Variants in LINGO2 observed in about 807,000 individuals in gnomAD.
The protein encoded by LINGO2 is leucine-rich repeat and immunoglobulin-like domain-containing nogo receptor-interacting protein 2.
Under a neutral mutation model 30.6 loss-of-function variants are expected in LINGO2, and 14 were observed. The ratio of observed to expected loss-of-function variants is 0.46; its 90% CI spans 0.30 to 0.72. The LOEUF (loss-of-function observed/expected upper bound fraction) is 0.72. Ranked by LOEUF, LINGO2 falls within the 30% of genes least tolerant of loss-of-function variation. LINGO2 has a pLI of 0.07. For synonymous variants in LINGO2, 317 were observed against 288.5 expected (o/e 1.10, Z -1.00); for missense variants, 729 against 751.7 (o/e 0.97, Z 0.35).
intron 1 of LINGO2, among the ~76,000 whole-genome samples, chr9:28,626,626 T>C (rs996747648): frequency 2.6e-5 from 4 of 152,092 alleles, no homozygotes; most frequent in African/African-American, 9.6e-5. Flanking sequence ...TTTGGCACCT[T>C]TGTCAATAAT....
chr9:29,039,335 A>C, the LINGO2 span, among the ~76,000 whole-genome samples: 2 of 152,148 alleles, frequency 1.3e-5, no homozygotes, highest in Non-Finnish European at 2.9e-5. Flanking sequence ...AAGTCTACTG[A>C]GGAGAATAAT....
At chr9:29,072,533 T>C in the LINGO2 span, among the ~76,000 whole-genome samples, 1 of 150,872 alleles carries the variant, frequency 6.6e-6, no homozygotes, top group South Asian at 2.1e-4. Flanking sequence ...TATTTTATAT[T>C]AAGAAAATTA....
chr9:28,591,587 C>A (rs1233146087), intron 1 of LINGO2, among the ~76,000 whole-genome samples: 1 of 151,938 alleles, frequency 6.6e-6, no homozygotes, highest in Non-Finnish European at 1.5e-5. Flanking sequence ...ACCTTTTATG[C>A]AACTCTTCTT....
chr9:28,871,554 T>C, the LINGO2 span, among the ~76,000 whole-genome samples: 3 of 151,850 alleles, frequency 2.0e-5, no homozygotes, highest in Non-Finnish European at 2.9e-5. Flanking sequence ...ATGAACTATA[T>C]ATTTTATGTA....
intron 2 of LINGO2, among the ~76,000 whole-genome samples, chr9:28,377,647 A>T (rs1233907370): frequency 6.6e-6 from 1 of 152,088 alleles, no homozygotes; most frequent in South Asian, 2.1e-4. Flanking sequence ...GTATCTCAGC[A>T]CTCATTCCAA....
the LINGO2 span, among the ~76,000 whole-genome samples, chr9:28,869,321 CAGA>C: frequency 1.3e-5 from 2 of 151,830 alleles, no homozygotes; most frequent in Non-Finnish European, 2.9e-5. Context: ...TAGGATCCTA[CAGA>C]AGAAGTGGCT....
chr9:28,401,820 T>C (rs1412641326), intron 2 of LINGO2, among the ~76,000 whole-genome samples: 2 of 152,312 alleles, frequency 1.3e-5, no homozygotes, highest in South Asian at 4.1e-4. Flanking sequence ...TTTGCAATAA[T>C]TGCCATTCTG....
chr9:28,416,501 GAT>G (rs113180119), intron 2 of LINGO2, among the ~76,000 whole-genome samples: 24,364 of 152,034 alleles, frequency 0.16, 2,604 homozygotes, highest in African/African-American at 0.3. Context: ...TGCTTCAAGA[GAT>G]ATTACCTTTT....
chr9:28,539,846 T>C (rs1379153730), intron 1 of LINGO2, among the ~76,000 whole-genome samples: 2 of 152,152 alleles, frequency 1.3e-5, no homozygotes, highest in Non-Finnish European at 2.9e-5. Context: ...GCAATGTGAA[T>C]TGCTAATTCA....
intron 4 of LINGO2, among the ~76,000 whole-genome samples, chr9:28,028,855 G>A (rs541195640): frequency 6.6e-6 from 1 of 152,148 alleles, no homozygotes; most frequent in Non-Finnish European, 1.5e-5. Context: ...ATATATATAA[G>A]TATACAGACA....
intron 3 of LINGO2, among the ~76,000 whole-genome samples, chr9:28,365,961 C>T (rs1390376541): frequency 6.6e-6 from 1 of 152,040 alleles, no homozygotes; most frequent in Non-Finnish European, 1.5e-5. Flanking sequence ...AGGAGTCAGT[C>T]CTTTCCCAGG....
At chr9:28,627,215 G>GTC in intron 1 of LINGO2, among the ~76,000 whole-genome samples, 1 of 152,082 alleles carries the variant, frequency 6.6e-6, no homozygotes, top group East Asian at 1.9e-4. Flanking sequence ...GATGTTCCAG[G>GTC]TATTTATGAA....
intron 4 of LINGO2, among the ~76,000 whole-genome samples, chr9:28,269,102 C>T (rs571864636): frequency 2.0e-4 from 31 of 152,066 alleles, no homozygotes; most frequent in Non-Finnish European, 3.8e-4. Context: ...AGAACTATCA[C>T]CTTCTCCCTT....
chr9:27,955,935 C>CTTTTTTTTTT (rs532878364), intron 5 of LINGO2, among the ~76,000 whole-genome samples: 1 of 106,772 alleles, frequency 9.4e-6, no homozygotes, highest in Non-Finnish European at 1.8e-5. Context: ...TGGATACTGA[C>CTTTTTTTTTT]TTTTTTTTTT....
At chr9:28,466,736 C>T (rs1397348038) in intron 2 of LINGO2, among the ~76,000 whole-genome samples, 2 of 151,880 alleles carry the variant, frequency 1.3e-5, no homozygotes, top group African/African-American at 2.4e-5. Flanking sequence ...ACTCTGTACC[C>T]ACAATAATTA....
intron 1 of LINGO2, among the ~76,000 whole-genome samples, chr9:28,492,850 CA>C (rs11354221): frequency 0.032 from 4,824 of 152,006 alleles, 196 homozygotes; most frequent in East Asian, 0.099. Context: ...ACAACAACAA[CA>C]AAAAAACGGT....
At chr9:28,171,243 G>GA (rs1828572831) in intron 4 of LINGO2, among the ~76,000 whole-genome samples, 1 of 152,162 alleles carries the variant, frequency 6.6e-6, no homozygotes, top group African/African-American at 2.4e-5. Context: ...AGAATATGAA[G>GA]AAACTGAAAA....
At chr9:28,694,476 T>C in the LINGO2 span, among the ~76,000 whole-genome samples, 1 of 152,020 alleles carries the variant, frequency 6.6e-6, no homozygotes, top group East Asian at 1.9e-4. Flanking sequence ...ATCTCCTGTC[T>C]CCCAAAGGAT....
At chr9:28,619,624 G>A (rs556842980) in intron 1 of LINGO2, among the ~76,000 whole-genome samples, 1 of 152,208 alleles carries the variant, frequency 6.6e-6, no homozygotes, top group Non-Finnish European at 1.5e-5. Context: ...GTGTTAATAT[G>A]TGAGCTTAGG....
Sources: allele counts gnomAD v4.1 joint callset (sites outside exome capture counted in the v4.1 genomes callset), GRCh38; gene constraint gnomAD v4.1.1; transcripts MANE v1.5; gene names NCBI Gene and HGNC (gene_info 2026-07-23, HGNC 2026-07-21).